The following OR6N1 variants were observed in gnomAD, a reference collection of about 807,000 sequenced individuals.
OR6N1 encodes olfactory receptor family 6 subfamily N member 1.
For missense variants in OR6N1, 394 were observed against 371.7 expected, an observed-to-expected ratio of 1.06 and a Z score of -0.49; for synonymous variants, 170 against 150.7, an observed-to-expected ratio of 1.13 and a Z score of -0.94.
At chr1:158,772,784 A>T (rs1371669842), upstream of OR6N1, among the ~76,000 whole-genome samples, 1 of 152,192 alleles carries the variant, frequency 6.6e-6, no homozygotes, top group Non-Finnish European at 1.5e-5. Context: ...CTTATGAGAC[A>T]TTAGGCACCT....
upstream of OR6N1, chr1:158,776,800 G>A (rs1228692925): frequency 6.2e-7 from 1 of 1,613,890 alleles, no homozygotes; most frequent in Non-Finnish European, 8.5e-7. Flanking sequence ...TGTTAGTACG[G>A]AGTAAACTAT....
At chr1:158,784,956 CACAAT>C in the OR6N1 span, among the ~76,000 whole-genome samples, 5 of 152,160 alleles carry the variant, frequency 3.3e-5, no homozygotes, top group African/African-American at 1.2e-4. Flanking sequence ...CACCAGTAAT[CACAAT>C]AGCCATGATA....
chr1:158,828,614 T>C, the OR6N1 span, among the ~76,000 whole-genome samples: 9 of 152,184 alleles, frequency 5.9e-5, no homozygotes, highest in African/African-American at 1.9e-4. Flanking sequence ...CAGGCTGGCA[T>C]TGAGTGTCTG....
At chr1:158,770,802 A>G (rs905581903) in intron 1 of OR6N1, among the ~76,000 whole-genome samples, 4 of 152,222 alleles carry the variant, frequency 2.6e-5, no homozygotes, top group African/African-American at 9.6e-5. Flanking sequence ...ATATCGCCAC[A>G]AATGGGCATC....
At chr1:158,777,200 C>T in the OR6N1 span, 1 of 1,613,970 alleles carries the variant, frequency 6.2e-7, no homozygotes, top group African/African-American at 1.3e-5. Flanking sequence ...CAACAAGCAG[C>T]AGCCATCTTG....
the OR6N1 span, among the ~76,000 whole-genome samples, chr1:158,828,139 G>T: frequency 6.6e-6 from 1 of 152,112 alleles, no homozygotes; most frequent in East Asian, 1.9e-4. Context: ...TACAAGATGA[G>T]ATTTGGGTGG....
At chr1:158,780,194 AAATTC>A in the OR6N1 span, among the ~76,000 whole-genome samples, 1 of 152,310 alleles carries the variant, frequency 6.6e-6, no homozygotes, top group East Asian at 1.9e-4. Context: ...CAGAGAAATT[AAATTC>A]AAGAAATAGT....
the OR6N1 span, among the ~76,000 whole-genome samples, chr1:158,810,376 C>A: frequency 6.6e-6 from 1 of 152,134 alleles, no homozygotes; most frequent in Non-Finnish European, 1.5e-5. Context: ...CCCCAAGATA[C>A]TCCCCTACTT....
the OR6N1 span, among the ~76,000 whole-genome samples, chr1:158,777,958 T>C: frequency 6.6e-6 from 1 of 152,304 alleles, no homozygotes; most frequent in African/African-American, 2.4e-5. Flanking sequence ...TAGAACACTT[T>C]TGTATTTCCT....
At chr1:158,773,385 C>G (rs1453595493), upstream of OR6N1, among the ~76,000 whole-genome samples, 3 of 152,096 alleles carry the variant, frequency 2.0e-5, no homozygotes, top group African/African-American at 7.2e-5. Context: ...TAAATACCCA[C>G]TACCTTTTAA....
At chr1:158,776,040 A>G (rs975798709), upstream of OR6N1, 5 of 151,872 alleles carry the variant, frequency 3.3e-5, no homozygotes, top group Non-Finnish European at 5.9e-5. Context: ...ATTTAAATCC[A>G]TAAGAATAAC....
At chr1:158,777,405 A>G in the OR6N1 span, 1 of 1,614,158 alleles carries the variant, frequency 6.2e-7, no homozygotes, top group Non-Finnish European at 8.5e-7. Context: ...TCTTAGGGAT[A>G]GTGGTAGCTG....
the OR6N1 span, among the ~76,000 whole-genome samples, chr1:158,784,514 ACTT>A: frequency 6.6e-6 from 1 of 152,128 alleles, no homozygotes; most frequent in Non-Finnish European, 1.5e-5. Context: ...GAACACCAGA[ACTT>A]CTTCCTCCTG....
chr1:158,833,717 G>A, the OR6N1 span, among the ~76,000 whole-genome samples: 85 of 152,160 alleles, frequency 5.6e-4, 1 homozygote, highest in Middle Eastern at 6.8e-3. Context: ...CATAAAATAC[G>A]TAAGAAACCA....
At chr1:158,834,717 C>A in the OR6N1 span, among the ~76,000 whole-genome samples, 1 of 152,072 alleles carries the variant, frequency 6.6e-6, no homozygotes, top group Non-Finnish European at 1.5e-5. Flanking sequence ...TGTCATGGAG[C>A]CTTTCCCTTT....
At chr1:158,777,329 A>T in the OR6N1 span, 1 of 1,614,192 alleles carries the variant, frequency 6.2e-7, no homozygotes, top group Non-Finnish European at 8.5e-7. Context: ...GAGTGGAAGA[A>T]GTAGGTCTGA....
chr1:158,804,907 T>G, the OR6N1 span, among the ~76,000 whole-genome samples: 1 of 152,210 alleles, frequency 6.6e-6, no homozygotes, highest in Non-Finnish European at 1.5e-5. Context: ...CTTAAGATAT[T>G]TATTATATAG....
At chr1:158,829,614 C>T in the OR6N1 span, among the ~76,000 whole-genome samples, 3 of 152,158 alleles carry the variant, frequency 2.0e-5, no homozygotes, top group Admixed American at 1.3e-4. Flanking sequence ...CCCACATTTT[C>T]TTGTCTTCTT....
In OR6N1 at chr1:158,766,169, T is replaced by A. The variant is rs1210784349; in HGVS notation, c.514A>T (p.Asn172Tyr). The A allele has an allele frequency of 1.9e-6, 3 of 1,614,052 alleles. No homozygotes were observed. Among genetic ancestry groups the A allele is most frequent in the Non-Finnish European group, 2.5e-6 (3 of 1,180,040 alleles). The change falls in exon 2 of 2, where the codon AAT becomes TAT. Residue 172 changes from asparagine to tyrosine, a missense_variant. Physicochemically the swap from Asn to Tyr is moderately radical, Grantham distance 143. Coordinates refer to ENST00000641846, the MANE Select transcript of OR6N1 (RefSeq NM_001005185.2). ...LISRLPFCGP[N>Y]RIQHVFCDFP... ...TCACAAAAGACGTGCTGAATGCGAT[T>A]GGGGCCACAGAATGGGAGGCGTGAA...
Sources: allele counts gnomAD v4.1 joint callset (sites outside exome capture counted in the v4.1 genomes callset), GRCh38; gene constraint gnomAD v4.1.1; transcripts MANE v1.5; gene names NCBI Gene and HGNC (gene_info 2026-07-23, HGNC 2026-07-21).